USP34: variants seen among roughly 807,000 people sequenced by gnomAD.
The protein encoded by USP34 is ubiquitin carboxyl-terminal hydrolase 34.
USP34 carries 70 observed loss-of-function variants against 460.3 expected under a neutral mutation model. The ratio of observed to expected loss-of-function variants is 0.15; its 90% CI spans 0.13 to 0.19. The LOEUF is 0.19. USP34 is among the 10% of genes least tolerant of loss of function. The pLI is 1.00. For synonymous variants in USP34, 1,647 were observed against 1,405.3 expected (o/e 1.17, Z -3.85); for missense variants, 3,985 against 4,236.2 (o/e 0.94, Z 1.65).
chr2:61,341,512 T>C (rs1691598714), intron 16 of USP34, among the ~76,000 whole-genome samples: 1 of 152,146 alleles, frequency 6.6e-6, no homozygotes, highest in African/African-American at 2.4e-5. Context: ...CTCACCATAG[T>C]GTGAATTCTT....
rs773210152 is a variant in USP34 at position 61,245,225 on chromosome 2, A to G, written c.6612T>C (p.Phe2204=). The change falls in exon 51 of 80, where the codon TTT becomes TTC. Residue 2204 remains phenylalanine (F), a synonymous_variant. Transcript: ENST00000398571. ...TAAAACTTACCGTCATCTCTCCACC[A>G]AAACATTCAGATGCAAGTTGAGCAG... ...FDSAQLASEC[F]GGEMTTKTYD... 4 of 1,610,556 alleles carry G rather than the reference A, an allele frequency of 2.5e-6. No homozygotes were observed. The highest frequency in any genetic ancestry group is 3.4e-6 in the Non-Finnish European group (4 of 1,178,214).
At position 61,283,079 on chromosome 2, in the gene USP34, T is replaced by C. The variant is rs1324557495; in HGVS notation, c.4998+66A>G. 31 of 1,535,836 alleles carry C rather than the reference T, an allele frequency of 2.0e-5. No homozygotes were observed. In the South Asian group the frequency reaches 3.1e-4, roughly 15 times the overall value. On this transcript the variant is annotated intron_variant, in intron 37 of 79. Coordinates refer to ENST00000398571, the MANE Select transcript of USP34 (RefSeq NM_014709.4). Reference sequence around the variant, plus strand: ...ATATTTGTTTCCATTAGCTCTTTTATTATCAATGCTAATAACATGAAAACA... The same window carrying C: ...ATATTTGTTTCCATTAGCTCTTTTACTATCAATGCTAATAACATGAAAACA...
chr2:61,277,327 C>G (rs1469394485), intron 41 of USP34, among the ~76,000 whole-genome samples: 1 of 151,618 alleles, frequency 6.6e-6, no homozygotes, highest in Non-Finnish European at 1.5e-5. Context: ...GCCTCGACCT[C>G]CTGAGCTCAA....
chr2:61,262,592 G>A (rs1181397363), intron 43 of USP34, among the ~76,000 whole-genome samples: 1 of 152,080 alleles, frequency 6.6e-6, no homozygotes, highest in Non-Finnish European at 1.5e-5. Flanking sequence ...ACTGTTGATG[G>A]GCATGTAGGT....
At chr2:61,339,807 C>T (rs1691531752) in intron 16 of USP34, 126 bp from the exon 17 acceptor site, 2 of 467,934 alleles carry the variant, frequency 4.3e-6, no homozygotes, top group Admixed American at 4.4e-5. Context: ...AATAAAAACA[C>T]ATTAGCACAA....
At chr2:61,281,028 G>T (rs755492138) in intron 38 of USP34, 62 bp downstream of exon 38, 2 of 1,542,262 alleles carry the variant, frequency 1.3e-6, no homozygotes. Flanking sequence ...TATTACAACG[G>T]TAAACTGAGG....
intron 43 of USP34, among the ~76,000 whole-genome samples, chr2:61,264,229 G>T (rs955268863): frequency 6.6e-6 from 1 of 151,888 alleles, no homozygotes; most frequent in African/African-American, 2.4e-5. Context: ...GAACCACTTG[G>T]GTAAACTATG....
intron 1 of USP34, among the ~76,000 whole-genome samples, chr2:61,443,844 G>T (rs191706112): frequency 2.5e-4 from 38 of 152,310 alleles, no homozygotes; most frequent in Admixed American, 4.6e-4. Context: ...TTCACCAAGT[G>T]TAACAAATGT....
At chr2:61,239,836 T>C (rs933599379) in intron 53 of USP34, among the ~76,000 whole-genome samples, 283 of 151,834 alleles carry the variant, frequency 1.9e-3, no homozygotes, top group African/African-American at 6.6e-3. Flanking sequence ...GTGAAACCCC[T>C]CTCTACTAAA....
At chr2:61,247,804 T>C (rs1688456427) in intron 49 of USP34, among the ~76,000 whole-genome samples, 1 of 152,244 alleles carries the variant, frequency 6.6e-6, no homozygotes, top group Non-Finnish European at 1.5e-5. Flanking sequence ...AACTTATTTT[T>C]ATTTTTTTGA....
intron 1 of USP34, among the ~76,000 whole-genome samples, chr2:61,423,940 G>A (rs1339153921): frequency 6.6e-6 from 1 of 152,048 alleles, no homozygotes; most frequent in Admixed American, 6.6e-5. Context: ...TGAGTAACAG[G>A]GCAAGATCCT....
chr2:61,259,330 C>A (rs974045622), intron 44 of USP34, among the ~76,000 whole-genome samples: 1 of 151,836 alleles, frequency 6.6e-6, no homozygotes, highest in Non-Finnish European at 1.5e-5. Context: ...CCAGTTCAAA[C>A]GAGCTCCATT....
At position 61,347,986 on chromosome 2, in the gene USP34, G is replaced by A. The variant is rs1240993230; in HGVS notation, c.2169C>T (p.Ile723=). ...CCCCAAGGAAGTCCCCAGTTCGTGT[G>A]ATACAAGACTCCTGAGACCCTTGTG... ...HIAQGSQESC[I]TRTGDFLGET... The change falls in exon 15 of 80, where the codon ATC becomes ATT. Residue 723 remains isoleucine, a synonymous_variant. Transcript: ENST00000398571. 1 of 1,614,134 alleles carries A rather than the reference G, an allele frequency of 6.2e-7. No homozygotes were observed. The highest frequency in any genetic ancestry group is 8.5e-7 in the Non-Finnish European group (1 of 1,180,030).
At chr2:61,350,771 A>C in intron 10 of USP34, 78 bp from the exon 11 acceptor site, 5 of 1,467,516 alleles carry the variant, frequency 3.4e-6, no homozygotes, top group Non-Finnish European at 4.5e-6. Context: ...AAACAGTTTG[A>C]AAGTCAAAAA....
chr2:61,340,957 A>C (rs1691580080), intron 16 of USP34, among the ~76,000 whole-genome samples: 1 of 148,546 alleles, frequency 6.7e-6, no homozygotes, highest in Non-Finnish European at 1.5e-5. Context: ...GAACGTTTCT[A>C]TCACCCTAGG....
intron 42 of USP34, 86 bp from the exon 43 acceptor site, chr2:61,265,643 C>T: frequency 8.0e-7 from 1 of 1,246,482 alleles, no homozygotes; most frequent in Non-Finnish European, 1.1e-6. Flanking sequence ...GCCTCTACCT[C>T]CATTAGTTAC....
At chr2:61,455,865 C>T (rs571576650) in intron 1 of USP34, among the ~76,000 whole-genome samples, 57 of 152,240 alleles carry the variant, frequency 3.7e-4, no homozygotes, top group African/African-American at 1.3e-3. Flanking sequence ...ATCCTCATCT[C>T]CAAATAAGAA....
chr2:61,333,902 G>T lies in USP34; in HGVS notation c.2814C>A (p.Tyr938Ter). 6.3e-7 allele frequency: 1 copy of T among 1,583,946 alleles called. No individual in the cohort carries two copies. The highest frequency in any genetic ancestry group is 8.6e-7 in the Non-Finnish European group (1 of 1,165,168). Reference sequence around the variant, plus strand: ...CTTACATTGTTATCCAGTGTGTATCGTAACTGCTCCCAAACTGCTGAAAAG... The same window carrying T: ...CTTACATTGTTATCCAGTGTGTATCTTAACTGCTCCCAAACTGCTGAAAAG... Reference protein sequence around the residue: ...FGTFQQFGSSYDTHWITMWAE... With the variant: ...FGTFQQFGSS Residue 938 changes from tyrosine to a stop codon, truncating the protein, a stop_gained, in exon 19 of 80, where the codon TAC (tyrosine) becomes TAA (stop). Transcript: ENST00000398571. LOFTEE classifies it high-confidence loss of function.
chr2:61,236,255 C>T lies in USP34; in HGVS notation c.6843-19G>A. On this transcript the variant is annotated intron_variant, in intron 54 of 79. Coordinates refer to ENST00000398571, the MANE Select transcript of USP34 (RefSeq NM_014709.4). The stretch of plus-strand genomic sequence containing the variant: ...CATAAATCTAGAATTTAAAAATAAT[C>T]ATTTAAAATTCACACGTAAGATTTT... The T allele has an allele frequency of 6.2e-7, 1 of 1,600,866 alleles. No homozygotes were observed. Among genetic ancestry groups the T allele is most frequent in the Non-Finnish European group, 8.5e-7 (1 of 1,174,018 alleles).
Sources: gnomAD v4.1 joint callset for allele counts (sites outside exome capture counted in the v4.1 genomes callset) on GRCh38, gnomAD v4.1.1 for gene constraint, MANE v1.5 for transcripts, NCBI Gene and HGNC (gene_info 2026-07-23, HGNC 2026-07-21) for gene names.